TENM2: variants seen among roughly 807,000 people sequenced by gnomAD.
TENM2 encodes teneurin transmembrane protein 2, also known as teneurin-2.
TENM2 carries 52 observed loss-of-function variants against 245.2 expected under a neutral mutation model. The observed-to-expected ratio is 0.21, with a 90% CI of 0.17 to 0.27. The LOEUF (loss-of-function observed/expected upper bound fraction) is 0.27, where lower values mean the gene tolerates loss of function less well. Among genes scored for constraint, TENM2 ranks in the 10% least tolerant of loss-of-function variants. TENM2 has a pLI of 1.00. For synonymous variants in TENM2, 1,363 were observed against 1,438.9 expected (o/e 0.95, Z 1.19); for missense variants, 3,046 against 3,666.8 (o/e 0.83, Z 4.37).
At chr5:167,978,111 C>T (rs1258149742) in intron 4 of TENM2, among the ~76,000 whole-genome samples, 2 of 152,190 alleles carry the variant, frequency 1.3e-5, no homozygotes, top group Non-Finnish European at 2.9e-5. Context: ...AGGTCCTTAC[C>T]AGAAGCATAT....
At chr5:167,635,271 T>C (rs1222157069) in intron 2 of TENM2, among the ~76,000 whole-genome samples, 1 of 152,212 alleles carries the variant, frequency 6.6e-6, no homozygotes, top group African/African-American at 2.4e-5. Flanking sequence ...AGACTACTGA[T>C]AGAGTTCTGA....
the TENM2 span, among the ~76,000 whole-genome samples, chr5:167,138,769 C>T: frequency 1.3e-5 from 2 of 152,062 alleles, no homozygotes; most frequent in African/African-American, 4.8e-5. Flanking sequence ...ATTACAGGCA[C>T]CTGCCACCAT....
At chr5:167,915,380 A>G (rs572977414) in intron 3 of TENM2, among the ~76,000 whole-genome samples, 3 of 152,238 alleles carry the variant, frequency 2.0e-5, no homozygotes, top group African/African-American at 7.2e-5. Context: ...TCTCATCCCA[A>G]CTGAGCTTTC....
intron 20 of TENM2, among the ~76,000 whole-genome samples, chr5:168,213,662 C>CAA (rs35806150): frequency 2.2e-5 from 3 of 136,392 alleles, no homozygotes; most frequent in Non-Finnish European, 3.2e-5. Context: ...CCATCTCTAC[C>CAA]AAAAAAAAAA....
Position 168,001,849 on chromosome 5 carries a change from C to T in TENM2, c.1186+8667C>T, listed in dbSNP as rs180708437. Among the ~76,000 whole-genome samples, 209 of 152,254 alleles carry T rather than the reference C, an allele frequency of 1.4e-3. 1 individual carries two copies. Among genetic ancestry groups the T allele is most frequent in the Non-Finnish European group, 2.6e-3 (177 of 68,026 alleles). ...TCTCTGCATTCAGAGAGCAAATAGTCCATCAACTGTATTAACACATTTATC... is the reference window on the plus strand; with the variant it reads ...TCTCTGCATTCAGAGAGCAAATAGTTCATCAACTGTATTAACACATTTATC... On this transcript the variant is annotated intron_variant, in intron 5 of 28. Transcript: ENST00000518659.
chr5:168,256,752 G>T (rs763748616), intron 27 of TENM2, among the ~76,000 whole-genome samples: 4 of 152,172 alleles, frequency 2.6e-5, no homozygotes, highest in Non-Finnish European at 5.9e-5. Context: ...ATGGACTATT[G>T]TTATGTGTGT....
intron 2 of TENM2, among the ~76,000 whole-genome samples, chr5:167,552,817 C>A (rs1336390113): frequency 1.3e-5 from 2 of 152,142 alleles, no homozygotes; most frequent in Admixed American, 6.5e-5. Flanking sequence ...AATGGCATTG[C>A]CCCTCATGGT....
the TENM2 span, among the ~76,000 whole-genome samples, chr5:167,196,550 A>G: frequency 0.019 from 2,838 of 147,116 alleles, 107 homozygotes; most frequent in African/African-American, 0.069. Flanking sequence ...ATATGTGTGT[A>G]TATATATATG....
At chr5:167,553,211 T>G (rs765552354) in intron 2 of TENM2, among the ~76,000 whole-genome samples, 1 of 152,128 alleles carries the variant, frequency 6.6e-6, no homozygotes, top group Non-Finnish European at 1.5e-5. Flanking sequence ...GGGAAGACCA[T>G]TCCGGACACA....
chr5:168,232,981 C>G (rs1030002775), intron 25 of TENM2, among the ~76,000 whole-genome samples: 3 of 152,310 alleles, frequency 2.0e-5, no homozygotes, highest in Non-Finnish European at 2.9e-5. Context: ...GAGTCCTCCC[C>G]CTCCTTCCCG....
chr5:168,056,726 C>T (rs1333806934), intron 6 of TENM2, among the ~76,000 whole-genome samples: 1 of 152,194 alleles, frequency 6.6e-6, no homozygotes. Context: ...ACTTCCAGTC[C>T]TGCAAATTCC....
chr5:167,773,654 T>A (rs562305716), intron 2 of TENM2, among the ~76,000 whole-genome samples: 2 of 152,290 alleles, frequency 1.3e-5, no homozygotes, highest in South Asian at 2.1e-4. Context: ...ATTCTCTCTC[T>A]TATTGCAGGG....
At chr5:168,253,324 G>T (rs1226363957) in intron 27 of TENM2, among the ~76,000 whole-genome samples, 2 of 151,952 alleles carry the variant, frequency 1.3e-5, no homozygotes, top group Admixed American at 6.6e-5. Context: ...TCACCTTATG[G>T]GGTCTTGAAA....
chr5:167,280,720 TGG>T (rs1228744198), upstream of TENM2, among the ~76,000 whole-genome samples: 2 of 151,872 alleles, frequency 1.3e-5, no homozygotes. Context: ...GCTCCATGTC[TGG>T]GATATCTATA....
chr5:167,745,291 T>C (rs1252756069), intron 2 of TENM2, among the ~76,000 whole-genome samples: 2 of 152,216 alleles, frequency 1.3e-5, no homozygotes, highest in South Asian at 2.1e-4. Flanking sequence ...TCTATAATTC[T>C]GGCTTGTTGC....
chr5:167,185,008 CAG>C, the TENM2 span, among the ~76,000 whole-genome samples: 2 of 152,286 alleles, frequency 1.3e-5, no homozygotes, highest in African/African-American at 4.8e-5. Context: ...GCTGATCTGA[CAG>C]GGGGCAGAAC....
rs572956713 is a variant in TENM2 at position 167,398,013 on chromosome 5, A to G, written c.502+22540A>G. 2.2e-4 allele frequency among the ~76,000 whole-genome samples: 33 copies of G among 152,306 alleles called. No homozygotes were observed. The South Asian group carries it at 4.4e-3, about 20-fold the overall frequency. On this transcript the variant is annotated intron_variant, in intron 2 of 28. Coordinates refer to ENST00000518659, the Ensembl canonical transcript of TENM2. The stretch of plus-strand genomic sequence containing the variant: ...ACTCCATGCACTGTGATGATGTAAC[A>G]TACTAATGGGAGAGGTCCAAGGGCT...
chr5:167,583,224 G>C (rs970061184), intron 2 of TENM2, among the ~76,000 whole-genome samples: 2 of 152,144 alleles, frequency 1.3e-5, no homozygotes, highest in African/African-American at 4.8e-5. Flanking sequence ...GAGATCGCAT[G>C]CCTTGGCTTA....
the TENM2 span, among the ~76,000 whole-genome samples, chr5:167,069,321 T>G: frequency 1.3e-5 from 2 of 152,182 alleles, no homozygotes; most frequent in Non-Finnish European, 2.9e-5. Context: ...TGGTGTTTGC[T>G]TAATTTTTCT....
Sources: allele counts gnomAD v4.1 joint callset (sites outside exome capture counted in the v4.1 genomes callset), GRCh38; gene constraint gnomAD v4.1.1; transcripts MANE v1.5; gene names NCBI Gene and HGNC (gene_info 2026-07-23, HGNC 2026-07-21).